Variants in NRG3 observed in about 807,000 individuals in gnomAD.
NRG3 encodes neuregulin 3, also known as pro-neuregulin-3, membrane-bound isoform.
NRG3 carries 31 observed loss-of-function variants against 66.9 expected under a neutral mutation model. The ratio of observed to expected loss-of-function variants is 0.46; its 90% CI spans 0.35 to 0.63. The LOEUF (loss-of-function observed/expected upper bound fraction) is 0.63, where lower values mean the gene tolerates loss of function less well. Ranked by LOEUF, NRG3 falls within the 20% of genes least tolerant of loss-of-function variation. NRG3 has a pLI of 0.00. For missense variants in NRG3, 910 were observed against 878.9 expected, an observed-to-expected ratio of 1.04 and a Z score of -0.45; for synonymous variants, 393 against 359.4, an observed-to-expected ratio of 1.09 and a Z score of -1.06.
At chr10:82,443,369 A>C (rs987214680) in intron 2 of NRG3, among the ~76,000 whole-genome samples, 2 of 152,208 alleles carry the variant, frequency 1.3e-5, no homozygotes, top group African/African-American at 4.8e-5. Flanking sequence ...AAAAAAAATA[A>C]AAAATAATTA....
chr10:82,608,812 G>A (rs951471189), intron 2 of NRG3, among the ~76,000 whole-genome samples: 1 of 151,950 alleles, frequency 6.6e-6, no homozygotes, highest in East Asian at 1.9e-4. Flanking sequence ...ATTTCAAATG[G>A]CTACTTCCCC....
chr10:82,878,882 C>T (rs1324223230), intron 4 of NRG3, among the ~76,000 whole-genome samples: 1 of 152,194 alleles, frequency 6.6e-6, no homozygotes, highest in Admixed American at 6.5e-5. Context: ...TTTGGCTCTG[C>T]CTGGCACCCT....
At chr10:82,254,912 G>A (rs993126175) in intron 1 of NRG3, among the ~76,000 whole-genome samples, 1 of 152,076 alleles carries the variant, frequency 6.6e-6, no homozygotes, top group African/African-American at 2.4e-5. Flanking sequence ...AAGAATTTAC[G>A]ATAATTTATG....
chr10:82,847,748 C>G (rs950176666), intron 3 of NRG3, among the ~76,000 whole-genome samples: 1 of 152,132 alleles, frequency 6.6e-6, no homozygotes, highest in Non-Finnish European at 1.5e-5. Context: ...CTTTTGCATT[C>G]CCAGTGCGTA....
intron 4 of NRG3, among the ~76,000 whole-genome samples, chr10:82,912,207 A>G (rs915226490): frequency 6.6e-6 from 1 of 152,188 alleles, no homozygotes; most frequent in Non-Finnish European, 1.5e-5. Context: ...TATTCAGTCA[A>G]CTACATCCTT....
chr10:82,169,575 T>C (rs1197885754), intron 1 of NRG3, among the ~76,000 whole-genome samples: 1 of 151,720 alleles, frequency 6.6e-6, no homozygotes, highest in Non-Finnish European at 1.5e-5. Flanking sequence ...TGAATTTTGC[T>C]TAATACTACT....
intron 1 of NRG3, among the ~76,000 whole-genome samples, chr10:82,107,334 TAAGG>T (rs2067130274): frequency 6.6e-6 from 1 of 152,190 alleles, no homozygotes; most frequent in Non-Finnish European, 1.5e-5. Context: ...AGCAACATGC[TAAGG>T]AAGTCATAAA....
rs1030137580 is a variant in NRG3 at position 82,425,934 on chromosome 10, A to C, written c.953+67066A>C. ...GCTGCCGTGAGAGGGGAAGCATTTT[A>C]CAAACCTGTGATTAGATCTGAACCT... On this transcript the variant is annotated intron_variant, in intron 2 of 8. Transcript: ENST00000372141. Among the ~76,000 whole-genome samples, 3 of 152,172 alleles carry C rather than the reference A, an allele frequency of 2.0e-5. No homozygotes were observed. In the East Asian group the frequency reaches 5.8e-4, roughly 29 times the overall value.
intron 1 of NRG3, among the ~76,000 whole-genome samples, chr10:82,175,704 C>T (rs928795616): frequency 1.3e-5 from 2 of 152,100 alleles, no homozygotes; most frequent in African/African-American, 4.8e-5. Context: ...ACTGTAAGTC[C>T]TTAGAGAATA....
At chr10:82,689,366 A>T (rs952584715) in intron 2 of NRG3, among the ~76,000 whole-genome samples, 1 of 152,188 alleles carries the variant, frequency 6.6e-6, no homozygotes, top group African/African-American at 2.4e-5. Context: ...TGCACACACT[A>T]GTAGAATAAA....
intron 2 of NRG3, among the ~76,000 whole-genome samples, chr10:82,373,946 C>T (rs1423573356): frequency 6.6e-6 from 1 of 152,112 alleles, no homozygotes; most frequent in Non-Finnish European, 1.5e-5. Flanking sequence ...GAAATGATTC[C>T]TTTGTGAGCA....
rs112556543 is a variant in NRG3, at chr10:82,232,727, A to G, written c.824-126012A>G. Reference sequence around the variant, plus strand: ...CAGGAGAGACTCGAGAAAATAAAGTATTTTCTACTCACAGGTCCTAGAGAC... The same window carrying G: ...CAGGAGAGACTCGAGAAAATAAAGTGTTTTCTACTCACAGGTCCTAGAGAC... On this transcript the variant is annotated intron_variant, in intron 1 of 8. Transcript: ENST00000372141. The G allele has an allele frequency of 1.9e-3, 1,375 of 717,120 alleles. 11 individuals carry two copies. In the African/African-American group the frequency reaches 0.02, roughly 11 times the overall value. The allele number at this position is 717,120 out of a possible 1,614,324, so 44.4% of individuals were successfully genotyped here. A position where few individuals can be genotyped will look rare whatever the true frequency, so the allele number is the denominator to read the frequency against.
In NRG3 at chr10:82,633,595, A is replaced by AGTGT. The variant is rs367978048; in HGVS notation, c.954-104980_954-104977dup. On this transcript the variant is annotated intron_variant, in intron 2 of 8. Transcript: ENST00000372141. Reference sequence around the variant, plus strand: ...TTAGTGCAGTCCACCAAGGGCTTAAAGTGTGGCCCAGGAGTCAAGATGTCC... The same window carrying AGTGT: ...TTAGTGCAGTCCACCAAGGGCTTAAAGTGTGTGTGGCCCAGGAGTCAAGATGTCC... Among the ~76,000 whole-genome samples the AGTGT allele has an allele frequency of 5.1e-3, 772 of 152,294 alleles. 5 individuals carry two copies. The highest frequency in any genetic ancestry group is 0.017 in the African/African-American group (714 of 41,564).
chr10:82,312,704 G>A (rs895972474), intron 1 of NRG3, among the ~76,000 whole-genome samples: 2 of 151,876 alleles, frequency 1.3e-5, no homozygotes, highest in Non-Finnish European at 2.9e-5. Flanking sequence ...GATCAAAAAC[G>A]AAAAAGAAAA....
At chr10:81,885,276 T>G (rs1842526845) in intron 1 of NRG3, among the ~76,000 whole-genome samples, 1 of 152,226 alleles carries the variant, frequency 6.6e-6, no homozygotes, top group African/African-American at 2.4e-5. Context: ...ATGCTGAGAC[T>G]GATCAATGGA....
chr10:82,836,783 G>A (rs1179609354), intron 3 of NRG3, among the ~76,000 whole-genome samples: 1 of 151,072 alleles, frequency 6.6e-6, no homozygotes, highest in Non-Finnish European at 1.5e-5. Flanking sequence ...TACACAACGT[G>A]CAGGTTAGTT....
intron 2 of NRG3, among the ~76,000 whole-genome samples, chr10:82,468,928 A>C (rs930833865): frequency 6.6e-6 from 1 of 152,156 alleles, no homozygotes; most frequent in African/African-American, 2.4e-5. Context: ...TGGGAGAAAA[A>C]AACAAACAAC....
At chr10:82,953,957 C>CA (rs5786582) in intron 5 of NRG3, among the ~76,000 whole-genome samples, 110,704 of 141,694 alleles carry the variant, frequency 0.78, 43,970 homozygotes, top group East Asian at 0.86. Flanking sequence ...GATTCAGTCT[C>CA]AAAAAAAAAA....
At chr10:81,938,417 A>G (rs1848093132) in intron 1 of NRG3, among the ~76,000 whole-genome samples, 1 of 149,124 alleles carries the variant, frequency 6.7e-6, no homozygotes, top group Non-Finnish European at 1.5e-5. Flanking sequence ...GCAATGTCTT[A>G]TAGCTTTCAG....
Sources: allele counts gnomAD v4.1 joint callset (sites outside exome capture counted in the v4.1 genomes callset), GRCh38; gene constraint gnomAD v4.1.1; transcripts MANE v1.5; gene names NCBI Gene and HGNC (gene_info 2026-07-23, HGNC 2026-07-21).